LMLN: variants seen among roughly 807,000 people sequenced by gnomAD.
LMLN encodes the protein leishmanolysin like peptidase.
Under a neutral mutation model 92.3 loss-of-function variants are expected in LMLN, and 70 were observed. The observed-to-expected ratio is 0.76, with a 90% CI of 0.63 to 0.92. LMLN has a LOEUF of 0.92. Among genes scored for constraint, LMLN ranks in the 40% least tolerant of loss-of-function variants. The probability of loss-of-function intolerance (pLI) is 0.00; values close to 1 mark genes in which losing one functional copy is unlikely to be tolerated. For missense variants in LMLN, 691 were observed against 814.6 expected, an observed-to-expected ratio of 0.85 and a Z score of 1.85; for synonymous variants, 308 against 296.2, an observed-to-expected ratio of 1.04 and a Z score of -0.41.
intron 15 of LMLN, 81 bp from the exon 17 acceptor site, chr3:198,038,486 C>T (rs985345009): frequency 1.7e-5 from 17 of 983,228 alleles, no homozygotes; most frequent in Non-Finnish European, 2.6e-5. Context: ...ATAATCACTG[C>T]TCTTCATCTG....
At chr3:197,966,218 T>G (rs1721056223) in intron 1 of LMLN, among the ~76,000 whole-genome samples, 1 of 152,164 alleles carries the variant, frequency 6.6e-6, no homozygotes, top group Non-Finnish European at 1.5e-5. Flanking sequence ...AATTTTTGTA[T>G]TTTTAGTAGA....
chr3:198,008,619 C>G (rs1235766440), intron 11 of LMLN, among the ~76,000 whole-genome samples: 3 of 152,178 alleles, frequency 2.0e-5, no homozygotes, highest in African/African-American at 7.2e-5. Context: ...CCCAGCTACT[C>G]AGAAGGCTGA....
chr3:198,023,426 C>T (rs970197405), intron 13 of LMLN, among the ~76,000 whole-genome samples: 6 of 152,186 alleles, frequency 3.9e-5, no homozygotes, highest in East Asian at 1.9e-4. Flanking sequence ...TGGCCTCAAG[C>T]GGTCCTTCCT....
chr3:198,041,225 A>G (rs1723396268), exon 16 of LMLN: 1 of 152,200 alleles, frequency 6.6e-6, no homozygotes, highest in Non-Finnish European at 1.5e-5. Context: ...GGTATTTGTC[A>G]TTGTGAAAAG....
chr3:198,020,053 G>A (rs1160552863), intron 12 of LMLN, among the ~76,000 whole-genome samples: 1 of 152,090 alleles, frequency 6.6e-6, no homozygotes, highest in Non-Finnish European at 1.5e-5. Flanking sequence ...TAGAGTTGGG[G>A]TTTCGCCATG....
Position 197,976,034 on chromosome 3 carries a change from G to A in LMLN, c.354G>A (p.Lys118=), listed in dbSNP as rs1721368463. The A allele has an allele frequency of 2.5e-6, 4 of 1,577,452 alleles. No homozygotes were observed. In the East Asian group the frequency reaches 9.0e-5, roughly 36 times the overall value. Reference sequence around the variant, plus strand: ...TTTTTTTAACTTTTATTTAGAACAAGCTTTTCCCACAAGCGATTTCTTATT... The same window carrying A: ...TTTTTTTAACTTTTATTTAGAACAAACTTTTCCCACAAGCGATTTCTTATT... The change falls in exon 4 of 16, where the codon AAG becomes AAA. Residue 118 remains lysine (K), a synonymous_variant. Transcript: ENST00000330198.
At position 198,038,897 on chromosome 3, in the gene LMLN, CCACCTCGTCAGCAACCCA is replaced by C. The variant is rs1320560215; in HGVS notation, c.*231_*248del. ...CCAACCACCTTCATCAGCAACCCAACCACCTCGTCAGCAACCCAACCACCTCGTCAGCAACCCAACCAC... is the reference window on the plus strand; with the variant it reads ...CCAACCACCTTCATCAGCAACCCAACACCACCTCGTCAGCAACCCAACCAC... On this transcript the variant is annotated 3_prime_UTR_variant, in exon 16 of 16. Transcript: ENST00000330198. 4.8e-4 allele frequency: 135 copies of C among 282,288 alleles called. No individual in the cohort carries two copies. In the African/African-American group the frequency reaches 0.015, roughly 31 times the overall value. 17.5% of individuals were successfully genotyped at this position (282,288 alleles called of 1,614,324 possible). A position where few individuals can be genotyped will look rare whatever the true frequency, so the allele number is the denominator to read the frequency against.
exon 16 of LMLN, chr3:198,043,601 T>A (rs1005132440): frequency 6.6e-6 from 1 of 152,654 alleles, no homozygotes; most frequent in Non-Finnish European, 1.5e-5. Context: ...GGAGTGGTTG[T>A]TTTATGTTTA....
At position 198,007,996 on chromosome 3, in the gene LMLN, A is replaced by G. The variant is rs185665421; in HGVS notation, c.1232+8654A>G. 3.3e-5 allele frequency among the ~76,000 whole-genome samples: 5 copies of G among 152,262 alleles called. No individual in the cohort carries two copies. The East Asian group carries it at 9.6e-4, about 29-fold the overall frequency. ...CTACTTTAGTTGCTATGCATAATCA[A>G]GTGATTTTTTTCGCCTGTTAATATG... On this transcript the variant is annotated intron_variant, in intron 11 of 15. Transcript: ENST00000330198.
Position 197,968,907 on chromosome 3 carries a change from T to G in LMLN, c.220-5470T>G, listed in dbSNP as rs1292607337. ...GATATTGGACTATTCAGGTTATTTATTTCTTAACAGTGTTTTATTAAGTTA... is the reference window on the plus strand; with the variant it reads ...GATATTGGACTATTCAGGTTATTTAGTTCTTAACAGTGTTTTATTAAGTTA... On this transcript the variant is annotated intron_variant, in intron 1 of 15. Transcript: ENST00000330198. Among the ~76,000 whole-genome samples, 3 of 152,256 alleles carry G rather than the reference T, an allele frequency of 2.0e-5. No homozygotes were observed. The East Asian group carries it at 5.8e-4, about 29-fold the overall frequency.
intron 6 of LMLN, among the ~76,000 whole-genome samples, chr3:197,982,046 T>A (rs1318624478): frequency 6.6e-6 from 1 of 152,102 alleles, no homozygotes; most frequent in African/African-American, 2.4e-5. Context: ...CCTCAGGTGA[T>A]CTGCCTTCCT....
intron 1 of LMLN, among the ~76,000 whole-genome samples, chr3:197,968,487 T>G (rs949380624): frequency 1.3e-5 from 2 of 151,812 alleles, no homozygotes; most frequent in African/African-American, 4.8e-5. Flanking sequence ...TGTAAGAGTA[T>G]TATTTGGGAA....
chr3:198,019,287 A>G lies in LMLN; in HGVS notation c.1267A>G (p.Arg423Gly). 1 of 1,614,004 alleles carries G rather than the reference A, an allele frequency of 6.2e-7. No individual in the cohort carries two copies. Among genetic ancestry groups the G allele is most frequent in the South Asian group, 1.1e-5 (1 of 91,032 alleles). The change falls in exon 12 of 16, where the codon AGA becomes GGA. Residue 423 changes from arginine (R) to glycine (G), a missense_variant. This residue lies in a region of LMLN where 352 missense variants were observed against 443.6 expected (regional missense o/e 0.79). Coordinates refer to ENST00000330198, the Ensembl canonical transcript of LMLN. This position sits in a 1 kb window ranked among gnomAD's most constrained non-coding sequence, Gnocchi z 5.5. ...GCTGAGCCCTTACTGTGACACGCTCAGAAGTAACCCACTGCAGCTAACTTG... is the reference window on the plus strand; with the variant it reads ...GCTGAGCCCTTACTGTGACACGCTCGGAAGTAACCCACTGCAGCTAACTTG...
intron 11 of LMLN, among the ~76,000 whole-genome samples, chr3:198,011,572 C>T (rs528009770): frequency 7.3e-5 from 11 of 150,406 alleles, no homozygotes; most frequent in South Asian, 4.3e-4. Flanking sequence ...TGAATAGTGC[C>T]GCAATAAACA....
At position 198,019,473 on chromosome 3, in the gene LMLN, C is replaced by T; in HGVS notation, c.1365+88C>T. ...TAAAAGAGTAAATTCTCTTAAGATT[C>T]TTAATTTATAAGGCCTTGTTTGTTT... is the stretch of plus-strand genomic sequence containing the variant. On this transcript the variant is annotated intron_variant, in intron 12 of 15. Coordinates refer to ENST00000330198, the Ensembl canonical transcript of LMLN. This position sits in a 1 kb window ranked among gnomAD's most constrained non-coding sequence, Gnocchi z 5.5. 1 of 1,309,366 alleles carries T rather than the reference C, an allele frequency of 7.6e-7. No homozygotes were observed. The highest frequency in any genetic ancestry group is 1.7e-5 in the South Asian group (1 of 60,108). 81.1% of individuals were successfully genotyped at this position (1,309,366 alleles called of 1,614,324 possible).
intron 9 of LMLN, among the ~76,000 whole-genome samples, chr3:197,992,776 T>TC (rs1721912235): frequency 6.7e-6 from 1 of 149,716 alleles, no homozygotes; most frequent in Non-Finnish European, 1.5e-5. Flanking sequence ...ACTTCCAGAC[T>TC]TTTTTTTTAC....
intron 5 of LMLN, among the ~76,000 whole-genome samples, chr3:197,977,519 A>G (rs1185740903): frequency 6.6e-6 from 1 of 152,162 alleles, no homozygotes; most frequent in Non-Finnish European, 1.5e-5. Flanking sequence ...ATCTGGAAGT[A>G]TACACACGTT....
At chr3:198,039,977 T>G (rs1199140659) in exon 16 of LMLN, 1 of 152,188 alleles carries the variant, frequency 6.6e-6, no homozygotes, top group African/African-American at 2.4e-5. Context: ...AAAAAATAAT[T>G]GTATTGTTTT....
intron 13 of LMLN, 71 bp from the exon 15 acceptor site, chr3:198,024,587 T>C (rs912636010): frequency 7.7e-6 from 10 of 1,296,536 alleles, no homozygotes; most frequent in African/African-American, 1.5e-5. Context: ...ATCATAAAAA[T>C]GGAATGGTTC....
Sources: allele counts gnomAD v4.1 joint callset (sites outside exome capture counted in the v4.1 genomes callset), GRCh38; gene constraint gnomAD v4.1.1; regional missense constraint gnomAD v4.1.1; non-coding constraint Gnocchi (gnomAD v3.1); transcripts MANE v1.5; gene names NCBI Gene and HGNC (gene_info 2026-07-23, HGNC 2026-07-21).